The following CADM2 variants were observed in gnomAD, a reference collection of about 807,000 sequenced individuals.
CADM2 encodes cell adhesion molecule 2.
In CADM2, 12 loss-of-function variants were observed where a neutral mutation model predicts 49.8. That is an observed-to-expected ratio of 0.24 (90% CI 0.15 to 0.39). CADM2 has a LOEUF of 0.39. CADM2 is among the 10% of genes least tolerant of loss of function. The pLI is 1.00. For missense variants in CADM2, 378 were observed against 492.3 expected, an observed-to-expected ratio of 0.77 and a Z score of 2.20; for synonymous variants, 214 against 175.4, an observed-to-expected ratio of 1.22 and a Z score of -1.74.
At chr3:85,596,507 A>T (rs899828263) in intron 1 of CADM2, among the ~76,000 whole-genome samples, 1 of 152,224 alleles carries the variant, frequency 6.6e-6, no homozygotes, top group East Asian at 1.9e-4. Flanking sequence ...GCATATAATT[A>T]ATGTGTGCAA....
intron 5 of CADM2, among the ~76,000 whole-genome samples, chr3:85,898,937 G>GTGTGTATATATATATATATATATATATA (rs796467067): frequency 1.1e-3 from 50 of 46,694 alleles, no homozygotes; most frequent in Admixed American, 1.7e-3. Context: ...CATTTATTGT[G>GTGTGTATATATATATATATATATATATA]TATATATATA....
At chr3:85,272,179 A>G (rs567794329) in intron 1 of CADM2, among the ~76,000 whole-genome samples, 1 of 151,348 alleles carries the variant, frequency 6.6e-6, no homozygotes, top group Admixed American at 6.6e-5. Flanking sequence ...TCCAAGCCAA[A>G]ATGGAATGTT....
intron 1 of CADM2, among the ~76,000 whole-genome samples, chr3:85,316,990 G>C (rs1486821592): frequency 6.6e-6 from 1 of 152,066 alleles, no homozygotes; most frequent in Non-Finnish European, 1.5e-5. Flanking sequence ...AGGTGGTAGA[G>C]CTTTGAGCCA....
chr3:85,093,691 T>C (rs1258972159), intron 1 of CADM2, among the ~76,000 whole-genome samples: 1 of 152,134 alleles, frequency 6.6e-6, no homozygotes, highest in Non-Finnish European at 1.5e-5. Context: ...CTTATGGCTA[T>C]TACAAACTCT....
Position 85,126,883 on chromosome 3 carries a change from A to G in CADM2, c.61+167215A>G, listed in dbSNP as rs113362730. Among the ~76,000 whole-genome samples the G allele has an allele frequency of 6.9e-3, 1,048 of 152,222 alleles. 10 individuals carry two copies. Among genetic ancestry groups the G allele is most frequent in the African/African-American group, 0.023 (959 of 41,552 alleles). On this transcript the variant is annotated intron_variant, in intron 1 of 9. Coordinates refer to ENST00000383699, the MANE Select transcript of CADM2 (RefSeq NM_001167675.2). ...ATTCTGCTAATTTCTTTTTTCTAGGATAAAGGAAAAGTACCTGGATCAAGA... is the reference window on the plus strand; with the variant it reads ...ATTCTGCTAATTTCTTTTTTCTAGGGTAAAGGAAAAGTACCTGGATCAAGA...
chr3:85,649,880 C>G (rs1439904208), intron 1 of CADM2, among the ~76,000 whole-genome samples: 1 of 152,050 alleles, frequency 6.6e-6, no homozygotes, highest in African/African-American at 2.4e-5. Context: ...GAAGGACAAC[C>G]AGGTCTGTGC....
intron 1 of CADM2, among the ~76,000 whole-genome samples, chr3:84,985,450 C>A (rs907832699): frequency 6.6e-6 from 1 of 151,802 alleles, no homozygotes; most frequent in Non-Finnish European, 1.5e-5. Context: ...TAAAATATAG[C>A]TTTTATTAGG....
intron 1 of CADM2, among the ~76,000 whole-genome samples, chr3:85,633,668 G>A (rs1428844402): frequency 6.6e-6 from 1 of 151,928 alleles, no homozygotes; most frequent in East Asian, 1.9e-4. Flanking sequence ...TATCATAGTC[G>A]CAACTTCCAT....
At chr3:85,900,943 C>G (rs879009839) in intron 5 of CADM2, among the ~76,000 whole-genome samples, 2 of 152,130 alleles carry the variant, frequency 1.3e-5, no homozygotes, top group African/African-American at 4.8e-5. Context: ...TGGCTAATGA[C>G]CTTCTTTGAA....
chr3:85,336,887 A>T (rs922454127), intron 1 of CADM2, among the ~76,000 whole-genome samples: 19 of 142,676 alleles, frequency 1.3e-4, no homozygotes, highest in Non-Finnish European at 2.3e-4. Context: ...TATATGAATT[A>T]TATATATATA....
chr3:85,121,306 A>G (rs1322305403), intron 1 of CADM2, among the ~76,000 whole-genome samples: 3 of 152,210 alleles, frequency 2.0e-5, no homozygotes, highest in African/African-American at 4.8e-5. Flanking sequence ...TTAGCAGTGA[A>G]ACTGAAAAGT....
intron 1 of CADM2, among the ~76,000 whole-genome samples, chr3:85,001,384 CGTCT>C (rs906004272): frequency 6.6e-5 from 10 of 151,604 alleles, no homozygotes; most frequent in Admixed American, 5.3e-4. Flanking sequence ...TCTATCCATC[CGTCT>C]ATCTATCTAC....
At position 85,061,388 on chromosome 3, in the gene CADM2, C is replaced by T. The variant is rs1182277823; in HGVS notation, c.61+101720C>T. 2.0e-5 allele frequency among the ~76,000 whole-genome samples: 3 copies of T among 152,054 alleles called. No homozygotes were observed. The East Asian group carries it at 5.8e-4, about 29-fold the overall frequency. On this transcript the variant is annotated intron_variant, in intron 1 of 9. Coordinates refer to ENST00000383699, the MANE Select transcript of CADM2 (RefSeq NM_001167675.2). ...ACACCAGAGCTTCATATTAATGATA[C>T]TAACTGGCAGTACTAGATATCCTTT... is the stretch of plus-strand genomic sequence containing the variant.
At chr3:86,024,254 C>T (rs1733583858) in intron 8 of CADM2, among the ~76,000 whole-genome samples, 1 of 152,158 alleles carries the variant, frequency 6.6e-6, no homozygotes, top group African/African-American at 2.4e-5. Flanking sequence ...TCTGACCTAC[C>T]TTTCATTGGC....
At chr3:85,487,731 T>A (rs532139071) in intron 1 of CADM2, among the ~76,000 whole-genome samples, 1 of 150,696 alleles carries the variant, frequency 6.6e-6, no homozygotes, top group East Asian at 1.9e-4. Flanking sequence ...CCTCTGTGTG[T>A]GTGTGTGCGT....
At chr3:85,887,896 C>T (rs775947676) in intron 5 of CADM2, among the ~76,000 whole-genome samples, 32 of 152,132 alleles carry the variant, frequency 2.1e-4, no homozygotes, top group Non-Finnish European at 4.1e-4. Flanking sequence ...CTGGCTTAAG[C>T]ATTTCTAATG....
chr3:85,823,220 T>G (rs557035129), intron 3 of CADM2, among the ~76,000 whole-genome samples: 2 of 152,320 alleles, frequency 1.3e-5, no homozygotes, highest in South Asian at 4.1e-4. Flanking sequence ...TATTACATAA[T>G]AAATATAACA....
At chr3:85,098,783 C>T (rs935057386) in intron 1 of CADM2, among the ~76,000 whole-genome samples, 13 of 152,208 alleles carry the variant, frequency 8.5e-5, no homozygotes, top group South Asian at 4.1e-4. Context: ...CTCCGCACCT[C>T]GTGAATGCTG....
chr3:85,364,030 T>C (rs12494242), intron 1 of CADM2, among the ~76,000 whole-genome samples: 49,992 of 152,074 alleles, frequency 0.33, 8,507 homozygotes, highest in South Asian at 0.39. Flanking sequence ...CAGGTAATGC[T>C]AGAAAATGTT....
Sources: gnomAD v4.1 joint callset for allele counts (sites outside exome capture counted in the v4.1 genomes callset) on GRCh38, gnomAD v4.1.1 for gene constraint, MANE v1.5 for transcripts, NCBI Gene and HGNC (gene_info 2026-07-23, HGNC 2026-07-21) for gene names.